The following DIP2C variants were observed in gnomAD, a reference collection of about 807,000 sequenced individuals.
The protein encoded by DIP2C is DIP2 acetate--CoA ligase C (putative), also known as disco-interacting protein 2 homolog C.
Under a neutral mutation model 192.4 loss-of-function variants are expected in DIP2C, and 33 were observed. The ratio of observed to expected loss-of-function variants is 0.17; its 90% CI spans 0.13 to 0.23. DIP2C has a LOEUF of 0.23. Among genes scored for constraint, DIP2C ranks in the 10% least tolerant of loss-of-function variants. The pLI is 1.00. For synonymous variants in DIP2C, 979 were observed against 864.1 expected, an observed-to-expected ratio of 1.13 and a Z score of -2.33; for missense variants, 1,537 against 2,110.1, an observed-to-expected ratio of 0.73 and a Z score of 5.32.
chr10:528,160 C>A (rs1445105512), intron 1 of DIP2C, among the ~76,000 whole-genome samples: 2 of 152,164 alleles, frequency 1.3e-5, no homozygotes, highest in Non-Finnish European at 2.9e-5. Context: ...CTCCTTGGTT[C>A]CTCAAGCTAC....
intron 1 of DIP2C, among the ~76,000 whole-genome samples, chr10:557,494 A>T (rs917550150): frequency 1.3e-5 from 2 of 151,018 alleles, no homozygotes; most frequent in Non-Finnish European, 2.9e-5. Context: ...TGCTGGCCTC[A>T]CCTGGGCTGT....
chr10:501,851 A>G (rs1801370485), intron 1 of DIP2C, among the ~76,000 whole-genome samples: 1 of 152,200 alleles, frequency 6.6e-6, no homozygotes, highest in Admixed American at 6.5e-5. Context: ...CCTTCGTGGC[A>G]CTTCAATTCC....
chr10:357,790 C>T (rs751765370), intron 23 of DIP2C, 38 bp downstream of exon 23: 10 of 1,521,722 alleles, frequency 6.6e-6, no homozygotes, highest in African/African-American at 2.7e-5. Flanking sequence ...TCGGAAAAGT[C>T]GGGGACGGTC....
intron 1 of DIP2C, among the ~76,000 whole-genome samples, chr10:579,802 T>C (rs1183737432): frequency 2.0e-5 from 3 of 151,944 alleles, no homozygotes; most frequent in African/African-American, 4.8e-5. Flanking sequence ...CATATGTACA[T>C]AGGTACACTA....
At chr10:598,102 G>A (rs940170638) in intron 1 of DIP2C, among the ~76,000 whole-genome samples, 5 of 152,242 alleles carry the variant, frequency 3.3e-5, no homozygotes, top group African/African-American at 9.6e-5. Flanking sequence ...GCGTGGACAA[G>A]GCTGATGGAT....
chr10:362,710 G>A lies in DIP2C; in HGVS notation c.2593-19C>T, dbSNP rs1207108096. 6.3e-7 allele frequency: 1 copy of A among 1,589,072 alleles called. No homozygotes were observed. The highest frequency in any genetic ancestry group is 8.6e-7 in the Non-Finnish European group (1 of 1,167,122). ...CAATCGCCTAGAAAGTTAATAAAGA[G>A]GAAATCATGTTATAAGAGGAAGTAT... On this transcript the variant is annotated intron_variant, in intron 21 of 36. Coordinates refer to ENST00000280886, the MANE Select transcript of DIP2C (RefSeq NM_014974.3).
chr10:414,852 T>TTGTGTGTGTGTGTGTG (rs748231177), intron 7 of DIP2C, among the ~76,000 whole-genome samples: 20 of 98,870 alleles, frequency 2.0e-4, no homozygotes, highest in Non-Finnish European at 2.8e-4. Flanking sequence ...ACATATATAT[T>TTGTGTGTGTGTGTGTG]TGTGTGTGTG....
chr10:395,412 T>C (rs1324402212), intron 10 of DIP2C, among the ~76,000 whole-genome samples: 1 of 152,180 alleles, frequency 6.6e-6, no homozygotes, highest in Non-Finnish European at 1.5e-5. Context: ...CATAAATGTA[T>C]ATAATTATAA....
chr10:548,208 A>ACCGC (rs770252075), intron 1 of DIP2C, among the ~76,000 whole-genome samples: 1 of 58,278 alleles, frequency 1.7e-5, no homozygotes, highest in Non-Finnish European at 3.5e-5. Context: ...AGTCTGCCCC[A>ACCGC]CCCCCCCCCC....
intron 1 of DIP2C, among the ~76,000 whole-genome samples, chr10:508,527 G>A (rs1303790086): frequency 3.9e-5 from 6 of 152,184 alleles, no homozygotes; most frequent in Non-Finnish European, 8.8e-5. Context: ...TGTTACCATT[G>A]TGCTGGTTCC....
intron 6 of DIP2C, among the ~76,000 whole-genome samples, chr10:417,671 C>T (rs74114783): frequency 0.24 from 1,952 of 8,040 alleles, 97 homozygotes; most frequent in East Asian, 0.32. Context: ...CCTGTCAGGG[C>T]TCGGATAGGC....
chr10:533,609 C>CA (rs1217107685), intron 1 of DIP2C, among the ~76,000 whole-genome samples: 2 of 147,156 alleles, frequency 1.4e-5, no homozygotes, highest in Non-Finnish European at 3.0e-5. Context: ...ACAGCTTAGG[C>CA]AAACCTGCCT....
chr10:348,528 C>T, intron 26 of DIP2C, 113 bp downstream of exon 26: 2 of 1,513,716 alleles, frequency 1.3e-6, no homozygotes, highest in Non-Finnish European at 8.9e-7. Flanking sequence ...ACTCCAGACA[C>T]ACCCCGGCTT....
chr10:390,483 C>A, intron 11 of DIP2C, 110 bp from the exon 12 acceptor site: 1 of 1,171,106 alleles, frequency 8.5e-7, no homozygotes. Flanking sequence ...GATCGAATCT[C>A]TGGTGTCTCC....
At chr10:551,310 C>G (rs1356002661) in intron 1 of DIP2C, among the ~76,000 whole-genome samples, 1 of 152,208 alleles carries the variant, frequency 6.6e-6, no homozygotes, top group Non-Finnish European at 1.5e-5. Flanking sequence ...TGGCATACAG[C>G]AGGTGCCTGA....
intron 24 of DIP2C, among the ~76,000 whole-genome samples, chr10:353,103 T>C (rs1958902482): frequency 6.6e-6 from 1 of 152,088 alleles, no homozygotes; most frequent in Admixed American, 6.6e-5. Context: ...GGTAAAACCA[T>C]TTCATCAGAG....
intron 1 of DIP2C, among the ~76,000 whole-genome samples, chr10:608,773 C>CGGAATAGACCTAATGG (rs1197114370): frequency 4.3e-5 from 6 of 140,960 alleles, no homozygotes; most frequent in Admixed American, 1.4e-4. Context: ...TCTGGGCATT[C>CGGAATAGACCTAATGG]GGAATAGACC....
chr10:346,257 T>C (rs1279533849), intron 26 of DIP2C, among the ~76,000 whole-genome samples: 16 of 16,098 alleles, frequency 9.9e-4, no homozygotes, highest in East Asian at 2.4e-3. Flanking sequence ...CCTGGAAACG[T>C]CACACACACC....
At chr10:579,945 T>C (rs907944480) in intron 1 of DIP2C, among the ~76,000 whole-genome samples, 6 of 151,690 alleles carry the variant, frequency 4.0e-5, no homozygotes, top group African/African-American at 7.3e-5. Context: ...ATAACATGTA[T>C]GTACATGAAT....
Sources: gnomAD v4.1 joint callset for allele counts (sites outside exome capture counted in the v4.1 genomes callset) on GRCh38, gnomAD v4.1.1 for gene constraint, MANE v1.5 for transcripts, NCBI Gene and HGNC (gene_info 2026-07-23, HGNC 2026-07-21) for gene names.